The following ST3GAL6 variants were observed in gnomAD, a reference collection of about 807,000 sequenced individuals.
ST3GAL6 encodes ST3 beta-galactoside alpha-2,3-sialyltransferase 6.
In ST3GAL6, 31 loss-of-function variants were observed where a neutral mutation model predicts 40.5. The observed-to-expected ratio is 0.77, with a 90% CI of 0.58 to 1.03. The LOEUF (loss-of-function observed/expected upper bound fraction) is 1.03. Among genes scored for constraint, ST3GAL6 ranks in the 50% least tolerant of loss-of-function variants. The pLI is 0.00. For missense variants in ST3GAL6, 357 were observed against 393.2 expected, an observed-to-expected ratio of 0.91 and a Z score of 0.78; for synonymous variants, 129 against 136.9, an observed-to-expected ratio of 0.94 and a Z score of 0.40.
chr3:98,753,862 A>G (rs1202488487), intron 1 of ST3GAL6, among the ~76,000 whole-genome samples: 17 of 152,184 alleles, frequency 1.1e-4, no homozygotes, highest in Admixed American at 1.1e-3. Flanking sequence ...TGGTTTACTG[A>G]ATAGTTTAAG....
rs371861126 is a variant in ST3GAL6 at position 98,768,840 on chromosome 3, C to T, written c.89+311C>T. On this transcript the variant is annotated intron_variant, in intron 2 of 9. Transcript: ENST00000483910. ...GAGTTAATGGCGTAATTACTGGGCT[C>T]AGTGGTACTTTTGGAACCTAAAATG... Among the ~76,000 whole-genome samples the T allele has an allele frequency of 8.2e-4, 125 of 152,258 alleles. 1 individual carries two copies. In the South Asian group the frequency reaches 0.025, roughly 31 times the overall value.
intron 5 of ST3GAL6, among the ~76,000 whole-genome samples, chr3:98,778,752 C>T (rs978292297): frequency 5.3e-5 from 8 of 152,168 alleles, no homozygotes; most frequent in Admixed American, 2.0e-4. Flanking sequence ...AGGTGCTAAG[C>T]GGAGGAGCCA....
rs920008082 is a variant in ST3GAL6, at chr3:98,793,843, A to G, written c.*82A>G. The G allele has an allele frequency of 5.0e-6, 4 of 800,236 alleles. No homozygotes were observed. The highest frequency in any genetic ancestry group is 3.5e-5 in the African/African-American group (2 of 56,586). 49.6% of individuals were successfully genotyped at this position (800,236 alleles called of 1,614,324 possible). A position where few individuals can be genotyped will look rare whatever the true frequency, so the allele number is the denominator to read the frequency against. On this transcript the variant is annotated 3_prime_UTR_variant, in exon 10 of 10. Coordinates refer to ENST00000483910, the MANE Select transcript of ST3GAL6 (RefSeq NM_001323368.2). Reference sequence around the variant, plus strand: ...TTTTAGTTTAAAATATGTTGGATGCACTCGTCAAATAATTATGTATACTGT... The same window carrying G: ...TTTTAGTTTAAAATATGTTGGATGCGCTCGTCAAATAATTATGTATACTGT...
chr3:98,785,017 C>A lies in ST3GAL6; in HGVS notation c.408C>A (p.Ile136=). The A allele has an allele frequency of 6.2e-7, 1 of 1,608,772 alleles. No individual in the cohort carries two copies. The highest frequency in any genetic ancestry group is 1.1e-5 in the South Asian group (1 of 90,936). ...VLKNKTLGEK[I]DSYDVIIRMN... ...AGAATAAGACATTAGGAGAAAAAAT[C>A]GACTCCTATGATGTAATAATAAGGT... is the stretch of plus-strand genomic sequence containing the variant. Residue 136 remains isoleucine, a synonymous_variant, in exon 6 of 10, where the codon ATC becomes ATA. Coordinates refer to ENST00000483910, the MANE Select transcript of ST3GAL6 (RefSeq NM_001323368.2).
intron 1 of ST3GAL6, among the ~76,000 whole-genome samples, chr3:98,763,807 G>A (rs570910376): frequency 5.3e-5 from 8 of 152,112 alleles, no homozygotes; most frequent in East Asian, 1.9e-4. Flanking sequence ...GAATGCAGAC[G>A]TTGGAAAAGT....
intron 1 of ST3GAL6, among the ~76,000 whole-genome samples, chr3:98,749,440 A>G (rs1936817246): frequency 6.6e-6 from 1 of 152,192 alleles, no homozygotes; most frequent in African/African-American, 2.4e-5. Context: ...CGGGAATTTT[A>G]AGGTTTGGTA....
intron 1 of ST3GAL6, among the ~76,000 whole-genome samples, chr3:98,765,061 A>G (rs1432602732): frequency 6.6e-6 from 1 of 152,192 alleles, no homozygotes; most frequent in Non-Finnish European, 1.5e-5. Context: ...TTAAATGCAC[A>G]TTCCTGAGCC....
chr3:98,747,763 A>G (rs828600), intron 1 of ST3GAL6, among the ~76,000 whole-genome samples: 17,456 of 152,298 alleles, frequency 0.11, 1,192 homozygotes, highest in Middle Eastern at 0.17. Context: ...TTGCTATTCA[A>G]ATGTTAACAC....
intron 1 of ST3GAL6, among the ~76,000 whole-genome samples, chr3:98,748,587 C>T (rs1253211986): frequency 6.6e-6 from 1 of 152,182 alleles, no homozygotes; most frequent in Non-Finnish European, 1.5e-5. Flanking sequence ...GCCTCAGCCT[C>T]CCTAGTAGCT....
In ST3GAL6 at chr3:98,793,792, TGTTA is replaced by T. The variant is rs1393173089; in HGVS notation, c.*35_*38del. On this transcript the variant is annotated 3_prime_UTR_variant, in exon 10 of 10. Transcript: ENST00000483910. Reference sequence around the variant, plus strand: ...CAGACTCAGAAGATGATGCTAACAGTGTTAGTTTTATTTTTGTACTGCAATTTTT... The same window carrying T: ...CAGACTCAGAAGATGATGCTAACAGTGTTTTATTTTTGTACTGCAATTTTT... 2.8e-6 allele frequency: 4 copies of T among 1,421,148 alleles called. No homozygotes were observed. Among genetic ancestry groups the T allele is most frequent in the Non-Finnish European group, 3.9e-6 (4 of 1,037,776 alleles). 88.0% of individuals were successfully genotyped at this position (1,421,148 alleles called of 1,614,324 possible). A position where few individuals can be genotyped will look rare whatever the true frequency, so the allele number is the denominator to read the frequency against.
In ST3GAL6 at chr3:98,747,398, G is replaced by C. The variant is rs143981258; in HGVS notation, c.-12+14866G>C. Among the ~76,000 whole-genome samples the C allele has an allele frequency of 2.1e-3, 327 of 152,110 alleles. 3 individuals carry two copies. Among genetic ancestry groups the C allele is most frequent in the African/African-American group, 7.7e-3 (321 of 41,498 alleles). ...TCTTCGGATGACTTGAGCTACCAAA[G>C]GTTTATGTTACATGACTTAAACTAC... On this transcript the variant is annotated intron_variant, in intron 1 of 9. Coordinates refer to the ST3GAL6 transcript ENST00000265261.
intron 1 of ST3GAL6, among the ~76,000 whole-genome samples, chr3:98,758,108 G>A (rs973484203): frequency 3.3e-5 from 5 of 152,126 alleles, no homozygotes; most frequent in Admixed American, 6.5e-5. Context: ...CAAAGTGCTG[G>A]GATTACAGGC....
At chr3:98,775,469 C>T (rs1256009397) in intron 5 of ST3GAL6, among the ~76,000 whole-genome samples, 8 of 115,790 alleles carry the variant, frequency 6.9e-5, no homozygotes, top group Non-Finnish European at 1.1e-4. Context: ...AGCAAGACTT[C>T]GTCTCAAAAA....
intron 1 of ST3GAL6, among the ~76,000 whole-genome samples, chr3:98,766,439 G>T (rs6783640): frequency 0.96 from 119,651 of 124,472 alleles, 57,415 homozygotes; most frequent in Middle Eastern, 0.99. Flanking sequence ...TTTTTTTTTG[G>T]GAAAGGGAGT....
chr3:98,768,327 C>A, intron 1 of ST3GAL6, 103 bp from the exon 2 acceptor site: 1 of 842,398 alleles, frequency 1.2e-6, no homozygotes, highest in East Asian at 2.5e-5. Flanking sequence ...TCTATAGTTC[C>A]TTTTGTATAT....
chr3:98,737,570 A>G (rs1935664286), intron 1 of ST3GAL6, among the ~76,000 whole-genome samples: 1 of 152,206 alleles, frequency 6.6e-6, no homozygotes, highest in Non-Finnish European at 1.5e-5. Context: ...AAGATGTCTC[A>G]TCATCACCAC....
At chr3:98,768,303 C>A in intron 1 of ST3GAL6, 127 bp from the exon 2 acceptor site, 1 of 718,442 alleles carries the variant, frequency 1.4e-6, no homozygotes, top group Non-Finnish European at 2.5e-6. Context: ...AATTACATGC[C>A]CACATCATTT....
intron 8 of ST3GAL6, among the ~76,000 whole-genome samples, chr3:98,789,166 A>C (rs1345750173): frequency 6.6e-6 from 1 of 152,006 alleles, no homozygotes; most frequent in East Asian, 1.9e-4. Context: ...TGAGTTTTTC[A>C]CCCCTTTTTA....
intron 6 of ST3GAL6, among the ~76,000 whole-genome samples, chr3:98,786,955 AGTGTGTGT>A (rs60592978): frequency 2.5e-4 from 37 of 147,472 alleles, no homozygotes; most frequent in South Asian, 1.1e-3. Context: ...ATCTGGGATA[AGTGTGTGT>A]GTGTGTGTGT....
Sources: gnomAD v4.1 joint callset for allele counts (sites outside exome capture counted in the v4.1 genomes callset) on GRCh38, gnomAD v4.1.1 for gene constraint, MANE v1.5 for transcripts, NCBI Gene and HGNC (gene_info 2026-07-23, HGNC 2026-07-21) for gene names.